FBXW11: variants seen among roughly 807,000 people sequenced by gnomAD.
The protein encoded by FBXW11 is F-box/WD repeat-containing protein 11.
In FBXW11, 19 loss-of-function variants were observed where a neutral mutation model predicts 77.6. That is an observed-to-expected ratio of 0.24 (90% CI 0.17 to 0.36). FBXW11 has a LOEUF of 0.36. Among genes scored for constraint, FBXW11 ranks in the 10% least tolerant of loss-of-function variants. The probability of loss-of-function intolerance (pLI) is 1.00; values close to 1 mark genes in which losing one functional copy is unlikely to be tolerated. For missense variants in FBXW11, 334 were observed against 704.2 expected (o/e 0.47, Z 5.95); for synonymous variants, 235 against 249.4 (o/e 0.94, Z 0.54).
chr5:171,959,211 T>C (rs570358937), intron 1 of FBXW11, among the ~76,000 whole-genome samples: 1 of 152,148 alleles, frequency 6.6e-6, no homozygotes, highest in Non-Finnish European at 1.5e-5. Context: ...TTCCAAGGTG[T>C]GCCTTTATTC....
intron 1 of FBXW11, among the ~76,000 whole-genome samples, chr5:171,967,867 TATATATATATATATATACAC>T (rs1581043594): frequency 7.8e-5 from 2 of 25,678 alleles, no homozygotes; most frequent in Admixed American, 3.9e-4. Flanking sequence ...TATATATATA[TATATATATATATATATACAC>T]ACACACACAC....
At chr5:171,899,787 CCACT>C in intron 5 of FBXW11, 123 bp downstream of exon 5, 1 of 789,690 alleles carries the variant, frequency 1.3e-6, no homozygotes, top group Non-Finnish European at 2.0e-6. Flanking sequence ...CAACTTTTGA[CCACT>C]CATTTTCCCC....
intron 1 of FBXW11, among the ~76,000 whole-genome samples, chr5:171,997,743 C>G (rs1043710887): frequency 6.6e-6 from 1 of 152,166 alleles, no homozygotes; most frequent in Admixed American, 6.5e-5. Flanking sequence ...CATATTATAT[C>G]AATATTCTTT....
intron 10 of FBXW11, among the ~76,000 whole-genome samples, chr5:171,871,745 T>C (rs779675256): frequency 2.6e-5 from 4 of 152,240 alleles, no homozygotes; most frequent in Non-Finnish European, 4.4e-5. Context: ...ATTCCTATGA[T>C]ACATCCAAAG....
chr5:171,959,348 G>C lies in FBXW11; in HGVS notation c.46-1650C>G, dbSNP rs566238135. Among the ~76,000 whole-genome samples the C allele has an allele frequency of 2.6e-5, 4 of 152,144 alleles. No individual in the cohort carries two copies. The East Asian group carries it at 7.7e-4, about 29-fold the overall frequency. On this transcript the variant is annotated intron_variant, in intron 1 of 13. Coordinates refer to ENST00000517395, the MANE Select transcript of FBXW11 (RefSeq NM_001378974.1). The stretch of plus-strand genomic sequence containing the variant: ...ATAATGAAATAAAATAATGAAAGTA[G>C]TTGCCATTTATCAAGCTTCTGTTAT...
chr5:171,946,964 G>A (rs963572951), intron 2 of FBXW11, among the ~76,000 whole-genome samples: 1 of 151,884 alleles, frequency 6.6e-6, no homozygotes. Flanking sequence ...GCAGGTGCCT[G>A]CCACCACGCC....
At chr5:171,977,563 C>T in intron 1 of FBXW11, 3 of 449,754 alleles carry the variant, frequency 6.7e-6, no homozygotes, top group Admixed American at 2.4e-5. Flanking sequence ...TGTATCAGTC[C>T]GTTTCATGCT....
chr5:171,976,492 T>C (rs1194060304), intron 1 of FBXW11, among the ~76,000 whole-genome samples: 1 of 152,158 alleles, frequency 6.6e-6, no homozygotes, highest in Non-Finnish European at 1.5e-5. Flanking sequence ...AAAAAGCATG[T>C]GTTGGAAACT....
chr5:171,882,433 C>G (rs1224983212), intron 7 of FBXW11, among the ~76,000 whole-genome samples: 1 of 152,030 alleles, frequency 6.6e-6, no homozygotes, highest in Non-Finnish European at 1.5e-5. Context: ...TCTTGAGTAG[C>G]TGGGACTACA....
intron 7 of FBXW11, among the ~76,000 whole-genome samples, chr5:171,888,492 C>T (rs1487807439): frequency 6.6e-6 from 1 of 152,218 alleles, no homozygotes; most frequent in Non-Finnish European, 1.5e-5. Context: ...GAGATTAGAG[C>T]CATCCCCGCA....
intron 2 of FBXW11, among the ~76,000 whole-genome samples, chr5:171,920,534 T>G (rs1382918883): frequency 6.6e-6 from 1 of 151,860 alleles, no homozygotes; most frequent in Non-Finnish European, 1.5e-5. Context: ...GAGACCATCC[T>G]GCACAACACA....
At chr5:171,999,389 CAA>C (rs1222905214) in intron 1 of FBXW11, among the ~76,000 whole-genome samples, 11 of 127,578 alleles carry the variant, frequency 8.6e-5, no homozygotes, top group African/African-American at 2.6e-4. Context: ...CCCTTCCCTT[CAA>C]AAAAAAAAAA....
chr5:171,892,342 G>A (rs1012802556), intron 6 of FBXW11, among the ~76,000 whole-genome samples: 11 of 152,208 alleles, frequency 7.2e-5, no homozygotes, highest in African/African-American at 2.7e-4. Context: ...TGGAAGGAAG[G>A]AAGTACTTAT....
At chr5:171,894,069 T>A (rs988401627) in intron 6 of FBXW11, among the ~76,000 whole-genome samples, 1 of 152,064 alleles carries the variant, frequency 6.6e-6, no homozygotes, top group Non-Finnish European at 1.5e-5. Flanking sequence ...GTGATGTGGT[T>A]ACAATCTTTA....
intron 7 of FBXW11, among the ~76,000 whole-genome samples, chr5:171,887,014 G>A (rs948148726): frequency 1.3e-5 from 2 of 151,914 alleles, no homozygotes. Context: ...GCGAGACTCT[G>A]TCTCAAAAAG....
chr5:171,872,770 C>T (rs895414209), intron 10 of FBXW11, 102 bp downstream of exon 10: 1 of 814,280 alleles, frequency 1.2e-6, no homozygotes, highest in Admixed American at 2.2e-5. Context: ...TTATCTGAAA[C>T]ATCCCATTTA....
chr5:171,956,661 G>A (rs903162591), intron 2 of FBXW11, among the ~76,000 whole-genome samples: 2 of 152,190 alleles, frequency 1.3e-5, no homozygotes, highest in Non-Finnish European at 2.9e-5. Context: ...AGTCACCCAT[G>A]CCATCAATAA....
At chr5:171,889,905 T>A (rs565491110) in intron 7 of FBXW11, among the ~76,000 whole-genome samples, 1 of 152,010 alleles carries the variant, frequency 6.6e-6, no homozygotes, top group South Asian at 2.1e-4. Flanking sequence ...AAAATTTTTT[T>A]TAAATAAAAA....
At chr5:171,967,141 T>C (rs1008216441) in intron 1 of FBXW11, among the ~76,000 whole-genome samples, 1 of 152,226 alleles carries the variant, frequency 6.6e-6, no homozygotes, top group African/African-American at 2.4e-5. Context: ...TGCTGATTGA[T>C]ACAATCTCTG....
Sources: gnomAD v4.1 joint callset for allele counts (sites outside exome capture counted in the v4.1 genomes callset) on GRCh38, gnomAD v4.1.1 for gene constraint, MANE v1.5 for transcripts, NCBI Gene and HGNC (gene_info 2026-07-23, HGNC 2026-07-21) for gene names.